CAMKMT: variants seen among roughly 807,000 people sequenced by gnomAD.
The protein encoded by CAMKMT is CaM KMT.
A neutral mutation model predicts 48.0 loss-of-function variants in CAMKMT; 53 were observed. The observed-to-expected ratio is 1.10, with a 90% CI of 0.89 to 1.39. CAMKMT has a LOEUF of 1.39. CAMKMT is among the 40% of genes most tolerant of loss of function. The pLI is 0.00. For missense variants in CAMKMT, 428 were observed against 402.7 expected (o/e 1.06, Z -0.54); for synonymous variants, 165 against 152.3 (o/e 1.08, Z -0.61).
At chr2:44,715,917 T>C (rs915161843) in intron 7 of CAMKMT, among the ~76,000 whole-genome samples, 1 of 152,178 alleles carries the variant, frequency 6.6e-6, no homozygotes, top group African/African-American at 2.4e-5. Flanking sequence ...TTTCATGATT[T>C]TAAAATAGTC....
intron 3 of CAMKMT, among the ~76,000 whole-genome samples, chr2:44,566,652 T>A (rs1181311775): frequency 1.3e-5 from 2 of 151,892 alleles, no homozygotes; most frequent in African/African-American, 4.8e-5. Flanking sequence ...AAAAAAAAAA[T>A]TAGCCATAGG....
At chr2:44,629,772 T>C (rs377722110) in intron 3 of CAMKMT, among the ~76,000 whole-genome samples, 4 of 152,116 alleles carry the variant, frequency 2.6e-5, no homozygotes, top group African/African-American at 9.7e-5. Context: ...AAGAACATTC[T>C]ATGCTCACGG....
intron 3 of CAMKMT, among the ~76,000 whole-genome samples, chr2:44,518,780 C>T (rs968655005): frequency 1.3e-5 from 2 of 152,162 alleles, no homozygotes; most frequent in African/African-American, 2.4e-5. Flanking sequence ...GCTAGGTAGA[C>T]GTACCCAGAT....
chr2:44,432,717 C>T (rs1435080036), intron 3 of CAMKMT, among the ~76,000 whole-genome samples: 2 of 151,854 alleles, frequency 1.3e-5, no homozygotes, highest in Non-Finnish European at 2.9e-5. Context: ...AACAAAGTTG[C>T]CTTAAATTTT....
intron 3 of CAMKMT, among the ~76,000 whole-genome samples, chr2:44,557,235 T>A (rs1245235621): frequency 6.6e-6 from 1 of 152,182 alleles, no homozygotes; most frequent in Admixed American, 6.5e-5. Flanking sequence ...CATATCTCTG[T>A]GGGAGGATGG....
intron 1 of CAMKMT, among the ~76,000 whole-genome samples, chr2:44,371,344 C>T (rs1679163530): frequency 6.6e-6 from 1 of 152,234 alleles, no homozygotes; most frequent in East Asian, 1.9e-4. Flanking sequence ...GTCTGGAATT[C>T]CTGGCCTCAA....
Position 44,399,497 on chromosome 2 carries a change from C to T in CAMKMT, c.376+9192C>T, listed in dbSNP as rs529985715. Among the ~76,000 whole-genome samples the T allele has an allele frequency of 2.1e-3, 320 of 151,980 alleles. 2 individuals are homozygous for T. The highest frequency in any genetic ancestry group is 3.9e-3 in the Non-Finnish European group (265 of 67,942). ...TTTGTTGGGGGAGGGGGCATTGATT[C>T]TTATTGCCCTCTTTGATCTTTCTCT... On this transcript the variant is annotated intron_variant, in intron 3 of 10. Transcript: ENST00000378494.
At chr2:44,713,646 GA>G (rs1014289479) in intron 6 of CAMKMT, among the ~76,000 whole-genome samples, 6 of 150,598 alleles carry the variant, frequency 4.0e-5, no homozygotes, top group East Asian at 1.9e-4. Context: ...GTTCACCCAG[GA>G]AAAAAAAAGT....
intron 3 of CAMKMT, among the ~76,000 whole-genome samples, chr2:44,632,544 A>G (rs1057266598): frequency 3.3e-5 from 5 of 152,212 alleles, no homozygotes; most frequent in Non-Finnish European, 5.9e-5. Context: ...GTGTGACAAG[A>G]GCAACTAAAA....
intron 3 of CAMKMT, among the ~76,000 whole-genome samples, chr2:44,438,465 A>G (rs1666421014): frequency 6.6e-6 from 1 of 152,246 alleles, no homozygotes; most frequent in East Asian, 1.9e-4. Flanking sequence ...AATTATAATT[A>G]CAAAAATAAT....
At chr2:44,652,169 C>A (rs1674105681) in intron 3 of CAMKMT, among the ~76,000 whole-genome samples, 1 of 152,172 alleles carries the variant, frequency 6.6e-6, no homozygotes, top group African/African-American at 2.4e-5. Flanking sequence ...GTTTTACTTT[C>A]ACCATGACAA....
chr2:44,373,413 A>G (rs571330303), intron 2 of CAMKMT, among the ~76,000 whole-genome samples: 1 of 152,218 alleles, frequency 6.6e-6, no homozygotes, highest in Non-Finnish European at 1.5e-5. Flanking sequence ...TAGAAAAGAG[A>G]CAAGAGAGTT....
chr2:44,484,590 C>T (rs1230235723), intron 3 of CAMKMT, among the ~76,000 whole-genome samples: 1 of 151,186 alleles, frequency 6.6e-6, no homozygotes, highest in African/African-American at 2.4e-5. Flanking sequence ...TCTATTTAGA[C>T]TATAAGTCTA....
At chr2:44,756,280 G>C (rs1384291957) in intron 9 of CAMKMT, among the ~76,000 whole-genome samples, 1 of 152,216 alleles carries the variant, frequency 6.6e-6, no homozygotes, top group Non-Finnish European at 1.5e-5. Context: ...AGCTCTCAGG[G>C]CTGGCTGTTT....
Position 44,524,712 on chromosome 2 carries a change from T to C in CAMKMT, c.376+134407T>C, listed in dbSNP as rs77404162. On this transcript the variant is annotated intron_variant, in intron 3 of 10. Transcript: ENST00000378494. The stretch of plus-strand genomic sequence containing the variant: ...CCCTCTGTTAGCCTTTATCTCATTC[T>C]GTTGGAATTATTTGTGTATTTACCT... Among the ~76,000 whole-genome samples the C allele has an allele frequency of 2.8e-3, 421 of 152,348 alleles. 1 individual carries two copies. The highest frequency in any genetic ancestry group is 9.6e-3 in the African/African-American group (400 of 41,594).
chr2:44,518,633 CCGA>C (rs1670950789), intron 3 of CAMKMT, among the ~76,000 whole-genome samples: 3 of 152,222 alleles, frequency 2.0e-5, no homozygotes, highest in East Asian at 3.9e-4. Context: ...TTTTTAAAAA[CCGA>C]AGATATGTGG....
intron 1 of CAMKMT, among the ~76,000 whole-genome samples, chr2:44,372,361 T>G (rs1357937116): frequency 6.6e-6 from 1 of 151,938 alleles, no homozygotes; most frequent in Admixed American, 6.6e-5. Context: ...GGTGCATACT[T>G]TTAGTTCCAG....
chr2:44,713,736 G>A (rs1678012252), intron 6 of CAMKMT, among the ~76,000 whole-genome samples: 2 of 152,112 alleles, frequency 1.3e-5, no homozygotes, highest in African/African-American at 4.8e-5. Flanking sequence ...CCACCCCTGG[G>A]GGAAGAAAGC....
At chr2:44,441,736 C>G (rs1316522441) in intron 3 of CAMKMT, among the ~76,000 whole-genome samples, 1 of 152,168 alleles carries the variant, frequency 6.6e-6, no homozygotes, top group Admixed American at 6.5e-5. Flanking sequence ...CCTTATATAA[C>G]TAGTTGTACT....
Sources: allele counts gnomAD v4.1 joint callset (sites outside exome capture counted in the v4.1 genomes callset), GRCh38; gene constraint gnomAD v4.1.1; transcripts MANE v1.5; gene names NCBI Gene and HGNC (gene_info 2026-07-23, HGNC 2026-07-21).